Variants in DCUN1D1 observed in about 807,000 individuals in gnomAD.
The protein encoded by DCUN1D1 is defective in cullin neddylation 1 domain containing 1.
In DCUN1D1, 3 loss-of-function variants were observed where a neutral mutation model predicts 39.0. The observed-to-expected ratio is 0.08, with a 90% confidence interval of 0.04 to 0.20. The LOEUF (loss-of-function observed/expected upper bound fraction) is 0.20. DCUN1D1 is among the 10% of genes least tolerant of loss of function. The pLI is 1.00. For missense variants in DCUN1D1, 158 were observed against 302.4 expected, an observed-to-expected ratio of 0.52 and a Z score of 3.54; for synonymous variants, 82 against 96.3, an observed-to-expected ratio of 0.85 and a Z score of 0.87.
At chr3:182,985,246 C>T (rs1030327750), upstream of DCUN1D1, among the ~76,000 whole-genome samples, 3 of 152,134 alleles carry the variant, frequency 2.0e-5, no homozygotes, top group African/African-American at 7.2e-5. Flanking sequence ...AGAGTGGAGG[C>T]TAGAAGCAGA....
At chr3:182,972,817 C>T (rs374749659) in intron 1 of DCUN1D1, among the ~76,000 whole-genome samples, 1 of 152,082 alleles carries the variant, frequency 6.6e-6, no homozygotes, top group Non-Finnish European at 1.5e-5. Flanking sequence ...AAGAGGGGGG[C>T]GGATCACCTG....
chr3:182,959,006 C>CT (rs944711622), intron 4 of DCUN1D1, among the ~76,000 whole-genome samples: 2 of 152,080 alleles, frequency 1.3e-5, no homozygotes, highest in African/African-American at 2.4e-5. Flanking sequence ...AAATATTGTA[C>CT]TACACTTCTA....
intron 1 of DCUN1D1, among the ~76,000 whole-genome samples, chr3:182,968,066 A>C (rs918137828): frequency 3.3e-5 from 5 of 152,072 alleles, no homozygotes; most frequent in Non-Finnish European, 5.9e-5. Context: ...ATATCCTGGA[A>C]ATTACGTAGG....
At chr3:182,945,208 G>A in intron 6 of DCUN1D1, 35 bp from the exon 7 acceptor site, 1 of 1,530,278 alleles carries the variant, frequency 6.5e-7, no homozygotes, top group Non-Finnish European at 8.9e-7. Flanking sequence ...GAAAGAGAAG[G>A]GGGAAAAAAG....
At chr3:182,968,755 G>T (rs115431738) in intron 1 of DCUN1D1, among the ~76,000 whole-genome samples, 4 of 151,986 alleles carry the variant, frequency 2.6e-5, no homozygotes, top group African/African-American at 9.7e-5. Context: ...ACGCACTGCT[G>T]CGCCCAGCTG....
rs1726257421 is a variant in DCUN1D1 at position 182,943,796 on chromosome 3, G to T, written c.*1298C>A. ...AGCATAAAAGCAGCTCATGGGGCTT[G>T]TAATGAAAAAAATACATACAAGATA... is the stretch of plus-strand genomic sequence containing the variant. On this transcript the variant is annotated 3_prime_UTR_variant, in exon 7 of 7. Coordinates refer to ENST00000292782, the MANE Select transcript of DCUN1D1 (RefSeq NM_020640.4). 6.6e-6 allele frequency: 1 copy of T among 152,584 alleles called. No individual in the cohort carries two copies. The highest frequency in any genetic ancestry group is 2.4e-5 in the African/African-American group (1 of 41,442). 9.5% of individuals were successfully genotyped at this position (152,584 alleles called of 1,614,324 possible). A position where few individuals can be genotyped will look rare whatever the true frequency, so the allele number is the denominator to read the frequency against.
At chr3:182,947,371 C>T in intron 5 of DCUN1D1, 37 bp from the exon 6 acceptor site, 1 of 1,384,524 alleles carries the variant, frequency 7.2e-7, no homozygotes, top group Non-Finnish European at 1.0e-6. Flanking sequence ...ATTTGTATCA[C>T]TAAAAAGAGC....
chr3:182,959,501 C>CAAAAAAAAAAAAAAAAAAA, intron 4 of DCUN1D1, among the ~76,000 whole-genome samples: 1 of 81,136 alleles, frequency 1.2e-5, no homozygotes, highest in Non-Finnish European at 2.2e-5. Flanking sequence ...CTTCAAAAAC[C>CAAAAAAAAAAAAAAAAAAA]AAAAAAAAAA....
chr3:182,980,359 G>C (rs1378406921), intron 1 of DCUN1D1, 128 bp downstream of exon 1: 5 of 675,650 alleles, frequency 7.4e-6, no homozygotes, highest in South Asian at 6.3e-5. Context: ...GCCTGGGAGC[G>C]GGACGGAGGC....
At chr3:182,962,089 T>C (rs73883969) in intron 3 of DCUN1D1, among the ~76,000 whole-genome samples, 99 of 152,316 alleles carry the variant, frequency 6.5e-4, no homozygotes, top group African/African-American at 2.2e-3. Context: ...TCCAGATCAT[T>C]AGTTTGTAAA....
chr3:182,975,863 A>AAAT (rs1192630767), intron 1 of DCUN1D1, among the ~76,000 whole-genome samples: 7 of 150,698 alleles, frequency 4.6e-5, no homozygotes, highest in Non-Finnish European at 1.0e-4. Context: ...AAAAAAAAAA[A>AAAT]AAAAAAAAAA....
chr3:182,947,313 G>T lies in DCUN1D1; in HGVS notation c.625C>A (p.Pro209Thr). The change falls in exon 6 of 7, where the codon CCA becomes ACA. Residue 209 changes from proline to threonine, a missense_variant. Pro to Thr is a conservative substitution (Grantham distance 38). Around this residue, in one of 4 missense-constraint regions of DCUN1D1, gnomAD observed 25 missense variants for 26.3 expected, o/e 0.95. Transcript: ENST00000292782. ...AAAAGAAGATTCCAAGTGTCTTTTGGTATTGATCGTTTATGATGTTCCTAT... is the reference window on the plus strand; with the variant it reads ...AAAAGAAGATTCCAAGTGTCTTTTGTTATTGATCGTTTATGATGTTCCTAT... ...FLLEHHKRSIPKDTWNLLLDF... is the reference protein window; with the variant it reads ...FLLEHHKRSITKDTWNLLLDF... 6.2e-7 allele frequency: 1 copy of T among 1,606,872 alleles called. No homozygotes were observed. The highest frequency in any genetic ancestry group is 8.5e-7 in the Non-Finnish European group (1 of 1,176,396).
upstream of DCUN1D1, chr3:182,980,550 G>T (rs1473037474): frequency 2.5e-6 from 3 of 1,208,098 alleles, no homozygotes; most frequent in Non-Finnish European, 1.0e-6. Flanking sequence ...GACGGCGGCG[G>T]CGGCGGCGGC....
At chr3:182,960,946 A>T (rs927154489) in intron 4 of DCUN1D1, among the ~76,000 whole-genome samples, 1 of 152,348 alleles carries the variant, frequency 6.6e-6, no homozygotes, top group African/African-American at 2.4e-5. Context: ...GGATGAATGC[A>T]TAAATAAATA....
chr3:182,984,769 CAT>C (rs1577213834), upstream of DCUN1D1, among the ~76,000 whole-genome samples: 1 of 152,134 alleles, frequency 6.6e-6, no homozygotes, highest in East Asian at 1.9e-4. Flanking sequence ...CTCAAAGAAA[CAT>C]GTAAAAGTAA....
chr3:182,955,566 G>C (rs1727001985), intron 4 of DCUN1D1: 5 of 516,686 alleles, frequency 9.7e-6, no homozygotes, highest in Non-Finnish European at 1.9e-5. Context: ...CTTCTTTACA[G>C]CGCTGACATA....
intron 1 of DCUN1D1, among the ~76,000 whole-genome samples, chr3:182,966,869 G>A (rs550601003): frequency 2.0e-5 from 3 of 152,308 alleles, no homozygotes; most frequent in Non-Finnish European, 4.4e-5. Flanking sequence ...CACCTTGGGA[G>A]GCCCAGGCGG....
At position 182,943,274 on chromosome 3, in the gene DCUN1D1, A is replaced by C. The variant is rs574347079; in HGVS notation, c.*1820T>G. ...ATATAGATATATATATCTTTTAAAA[A>C]TTTTTCATAATTGAAGTTCCTCTTT... is the stretch of plus-strand genomic sequence containing the variant. On this transcript the variant is annotated 3_prime_UTR_variant, in exon 7 of 7. Coordinates refer to ENST00000292782, the MANE Select transcript of DCUN1D1 (RefSeq NM_020640.4). The C allele has an allele frequency of 6.7e-6, 1 of 149,602 alleles. No homozygotes were observed. Among genetic ancestry groups the C allele is most frequent in the Admixed American group, 6.7e-5 (1 of 14,986 alleles). The allele number at this position is 149,602 out of a possible 1,614,324, so 9.3% of individuals were successfully genotyped here.
Position 182,980,141 on chromosome 3 carries a change from C to T in DCUN1D1, c.3+346G>A, listed in dbSNP as rs1044298780. 1.3e-4 allele frequency: 114 copies of T among 877,220 alleles called. 1 individual carries two copies. In the African/African-American group the frequency reaches 1.8e-3, roughly 14 times the overall value. 54.3% of individuals were successfully genotyped at this position (877,220 alleles called of 1,614,324 possible). ...GCCGGCAGAGGGGCAGGGGCAAGGC[C>T]GTTGCCCCCTCCCCTCCCCCCGCCC... On this transcript the variant is annotated intron_variant, in intron 1 of 6. Coordinates refer to ENST00000292782, the MANE Select transcript of DCUN1D1 (RefSeq NM_020640.4).
Sources: allele counts gnomAD v4.1 joint callset (sites outside exome capture counted in the v4.1 genomes callset), GRCh38; gene constraint gnomAD v4.1.1; regional missense constraint gnomAD v4.1.1; transcripts MANE v1.5; gene names NCBI Gene and HGNC (gene_info 2026-07-23, HGNC 2026-07-21).